Variants in CD55 observed in about 807,000 individuals in gnomAD.
CD55 encodes complement decay-accelerating factor.
CD55 carries 41 observed loss-of-function variants against 45.8 expected under a neutral mutation model. The observed-to-expected ratio is 0.90, with a 90% CI of 0.70 to 1.16. The LOEUF (loss-of-function observed/expected upper bound fraction) is 1.16, where lower values mean the gene tolerates loss of function less well. Among genes scored for constraint, CD55 ranks in the 50% most tolerant of loss-of-function variants. The pLI is 0.00. For missense variants in CD55, 416 were observed against 469.8 expected (o/e 0.89, Z 1.06); for synonymous variants, 181 against 181.1 (o/e 1.00, Z 0.01).
intron 1 of CD55, 27 bp downstream of exon 1, chr1:207,321,892 A>T (rs1190814026): frequency 1.4e-6 from 2 of 1,479,954 alleles, no homozygotes; most frequent in South Asian, 1.3e-5. Context: ...CGGCCGGGGA[A>T]GCCCCTGGGC....
chr1:207,326,907 C>T, intron 5 of CD55, 70 bp downstream of exon 5: 3 of 1,122,644 alleles, frequency 2.7e-6, no homozygotes, highest in Non-Finnish European at 4.0e-6. Context: ...ATTTCTGCCC[C>T]TTAAGAATAT....
In CD55 at chr1:207,336,827, A is replaced by T. The variant is rs1242685247; in HGVS notation, c.979+9A>T. On this transcript the variant is annotated intron_variant, in intron 7 of 9. Coordinates refer to ENST00000367064, the MANE Select transcript of CD55 (RefSeq NM_000574.5). The stretch of plus-strand genomic sequence containing the variant: ...CACACCAAATGCTCAAGGTACAGAG[A>T]CTCCATCAGTTCTTCAAAAACACAC... 6.2e-7 allele frequency: 1 copy of T among 1,613,526 alleles called. No individual in the cohort carries two copies. The highest frequency in any genetic ancestry group is 2.2e-5 in the East Asian group (1 of 44,866).
At chr1:207,337,257 C>T (rs1290570684) in intron 7 of CD55, 72 bp from the exon 8 acceptor site, 2 of 967,920 alleles carry the variant, frequency 2.1e-6, no homozygotes, top group Non-Finnish European at 3.3e-6. Context: ...GCACGTAAGT[C>T]CACTAATGTA....
intron 9 of CD55, among the ~76,000 whole-genome samples, chr1:207,358,359 T>A (rs1224047620): frequency 6.6e-6 from 1 of 152,258 alleles, no homozygotes; most frequent in Non-Finnish European, 1.5e-5. Flanking sequence ...CATGTTTGCC[T>A]ATCAGAGGAT....
At chr1:207,340,762 A>G in intron 9 of CD55, 1 of 446,630 alleles carries the variant, frequency 2.2e-6, no homozygotes, top group Non-Finnish European at 4.0e-6. Context: ...ATGTGAATGC[A>G]CATATCTTTT....
At chr1:207,353,577 C>A (rs1461199766) in intron 9 of CD55, among the ~76,000 whole-genome samples, 2 of 152,118 alleles carry the variant, frequency 1.3e-5, no homozygotes, top group African/African-American at 4.8e-5. Context: ...CTATACATGA[C>A]AAACTTAAGT....
At chr1:207,356,846 T>C (rs1269711361) in intron 9 of CD55, among the ~76,000 whole-genome samples, 1 of 152,166 alleles carries the variant, frequency 6.6e-6, no homozygotes, top group African/African-American at 2.4e-5. Context: ...CTCTGATGTG[T>C]CCTGTAGACA....
chr1:207,349,513 T>A (rs1206531475), intron 9 of CD55, among the ~76,000 whole-genome samples: 1 of 152,232 alleles, frequency 6.6e-6, no homozygotes, highest in Admixed American at 6.5e-5. Flanking sequence ...TTATTCTTCC[T>A]ATGCATGAGC....
rs186700161 is a variant in CD55, at chr1:207,345,298, A to T, written c.1081+5881A>T. Among the ~76,000 whole-genome samples the T allele has an allele frequency of 2.6e-5, 4 of 151,778 alleles. No homozygotes were observed. In the East Asian group the frequency reaches 7.7e-4, roughly 29 times the overall value. On this transcript the variant is annotated intron_variant, in intron 9 of 9. Coordinates refer to ENST00000367064, the MANE Select transcript of CD55 (RefSeq NM_000574.5). ...AAAAGACCTGTCTTCAAGTTCTGAGATTCTTTCTTCTGCTTGATCTAGCCT... is the reference window on the plus strand; with the variant it reads ...AAAAGACCTGTCTTCAAGTTCTGAGTTTCTTTCTTCTGCTTGATCTAGCCT...
chr1:207,338,586 CTT>C (rs986104774), intron 8 of CD55, among the ~76,000 whole-genome samples: 13 of 152,072 alleles, frequency 8.5e-5, no homozygotes, highest in Admixed American at 4.6e-4. Flanking sequence ...AAATTTTACT[CTT>C]AGGTACAATT....
At chr1:207,339,451 GT>G in intron 9 of CD55, 34 bp downstream of exon 9, 1 of 1,552,404 alleles carries the variant, frequency 6.4e-7, no homozygotes, top group Non-Finnish European at 8.8e-7. Flanking sequence ...AAAAGAAATT[GT>G]TTTCACTGTG....
chr1:207,353,653 T>C (rs1232085078), intron 9 of CD55, among the ~76,000 whole-genome samples: 4 of 152,184 alleles, frequency 2.6e-5, no homozygotes, highest in Non-Finnish European at 5.9e-5. Flanking sequence ...TATAATCATA[T>C]AATCTTTCTG....
At chr1:207,347,792 C>T (rs1655707761) in intron 9 of CD55, among the ~76,000 whole-genome samples, 1 of 152,160 alleles carries the variant, frequency 6.6e-6, no homozygotes. Flanking sequence ...TCCATGTGTA[C>T]TCATTGTTTA....
chr1:207,337,350 C>G lies in CD55; in HGVS notation c.1001C>G (p.Ser334Cys). 1 of 1,610,402 alleles carries G rather than the reference C, an allele frequency of 6.2e-7. No individual in the cohort carries two copies. Among genetic ancestry groups the G allele is most frequent in the Non-Finnish European group, 8.5e-7 (1 of 1,176,710 alleles). Residue 334 changes from serine to cysteine, a missense_variant, in exon 8 of 10, where the codon TCC becomes TGC. This residue lies in a region of CD55 where 182 missense variants were observed against 201.4 expected (regional missense o/e 0.90). Transcript: ENST00000367064. ...ACAGCAACACGGAGTACACCTGTTT[C>G]CAGGACAACCAAGCATTTTCATGAA... ...NAQATRSTPV[S>C]RTTKHFHETT...
In CD55 at chr1:207,324,674, AAG is replaced by A. The variant is rs1413490314; in HGVS notation, c.406_407del (p.Glu136ThrfsTer23). 6.2e-7 allele frequency: 1 copy of A among 1,613,126 alleles called. No homozygotes were observed. Among genetic ancestry groups the A allele is most frequent in the Non-Finnish European group, 8.5e-7 (1 of 1,179,580 alleles). On this transcript the variant is annotated frameshift_variant, in exon 3 of 10. Transcript: ENST00000367064. LOFTEE classifies it high-confidence loss of function. ...VEYECRPGYR[R>X]EPSLSPKLTC... Reference sequence around the variant, plus strand: ...AATATGAGTGCCGTCCAGGTTACAGAAGAGAACCTTCTCTATCACCAAAACTA... The same window carrying A: ...AATATGAGTGCCGTCCAGGTTACAGAAGAACCTTCTCTATCACCAAAACTA...
chr1:207,348,188 A>G (rs188291847), intron 9 of CD55, among the ~76,000 whole-genome samples: 2 of 152,298 alleles, frequency 1.3e-5, no homozygotes, highest in East Asian at 1.9e-4. Context: ...CCCACCAGCA[A>G]TGTATAAGTG....
In CD55 at chr1:207,339,412, T is replaced by C. The variant is rs771106629; in HGVS notation, c.1076T>C (p.Leu359Pro). 20 of 1,607,700 alleles carry C rather than the reference T, an allele frequency of 1.2e-5. No homozygotes were observed. Among genetic ancestry groups the C allele is most frequent in the Admixed American group, 1.7e-5 (1 of 58,644 alleles). Residue 359 changes from leucine to proline, a missense_variant, in exon 9 of 10, where the codon CTA becomes CCA. Leu to Pro is a moderately conservative substitution (Grantham distance 98, BLOSUM62 -3). Around this residue, in one of 3 missense-constraint regions of CD55, gnomAD observed 182 missense variants for 201.4 expected, o/e 0.90. Transcript: ENST00000367064. ...TCGTCTGTAGGTACTACCCGTCTTC[T>C]ATCTGGTAAGTTTGGCTCTCAGGCC... The part of the protein sequence containing the change: ...SGTTSGTTRL[L>P]SGHTCFTLTG...
chr1:207,341,491 A>G (rs1318861078), intron 9 of CD55, among the ~76,000 whole-genome samples: 2 of 152,074 alleles, frequency 1.3e-5, no homozygotes, highest in Non-Finnish European at 2.9e-5. Context: ...TTTTCCCAGC[A>G]CTATTTATTG....
Position 207,326,756 on chromosome 1 carries a change from A to G in CD55, c.583A>G (p.Lys195Glu), listed in dbSNP as rs1222480551. The change falls in exon 5 of 10, where the codon AAA (lysine) becomes GAA (glutamate). Residue 195 changes from lysine (K) to glutamate (E), a missense_variant. This residue lies in a region of CD55 where 111 missense variants were observed against 163.4 expected (regional missense o/e 0.68). Transcript: ENST00000367064. ...TTTCTTCCCCTGTTGCTTTAGGTAC[A>G]AATTATTTGGCTCGACTTCTAGTTT... is the stretch of plus-strand genomic sequence containing the variant. ...TISFSCNTGY[K>E]LFGSTSSFCL... is the part of the protein sequence containing the mutation. 1.2e-6 allele frequency: 2 copies of G among 1,613,386 alleles called. No individual in the cohort carries two copies. Among genetic ancestry groups the G allele is most frequent in the Non-Finnish European group, 1.7e-6 (2 of 1,179,398 alleles).
Sources: gnomAD v4.1 joint callset for allele counts (sites outside exome capture counted in the v4.1 genomes callset) on GRCh38, gnomAD v4.1.1 for gene constraint, gnomAD v4.1.1 regional missense constraint, MANE v1.5 for transcripts, NCBI Gene and HGNC (gene_info 2026-07-23, HGNC 2026-07-21) for gene names.